Variants in LPL observed in about 807,000 individuals in gnomAD.
LPL encodes the protein phospholipase A1.
In LPL, 43 loss-of-function variants were observed where a neutral mutation model predicts 52.2. The ratio of observed to expected loss-of-function variants is 0.82; its 90% CI spans 0.64 to 1.06. LPL has a LOEUF of 1.06. Among genes scored for constraint, LPL ranks in the 50% least tolerant of loss-of-function variants. LPL has a pLI of 0.00. For synonymous variants in LPL, 244 were observed against 215.6 expected (o/e 1.13, Z -1.15); for missense variants, 639 against 585.3 (o/e 1.09, Z -0.95).
chr8:19,943,492 T>TG (rs1346675667), intron 1 of LPL, among the ~76,000 whole-genome samples: 1 of 152,192 alleles, frequency 6.6e-6, no homozygotes, highest in Admixed American at 6.5e-5. Flanking sequence ...ATAAAACAAT[T>TG]GTTGGCAAAG....
chr8:19,954,361 T>TTA lies in LPL; in HGVS notation c.775+10_775+11dup, dbSNP rs775396459. On this transcript the variant is annotated intron_variant, in intron 5 of 9. Coordinates refer to ENST00000650287, the MANE Select transcript of LPL (RefSeq NM_000237.3). ...CAGAGAGAGGACTTGGAGGTAAATA[T>TTA]TATTTAGAAGCGAATTAAATGTGAC... The TTA allele has an allele frequency of 1.6e-5, 25 of 1,610,322 alleles. No individual in the cohort carries two copies. In the East Asian group the frequency reaches 5.3e-4, roughly 34 times the overall value.
chr8:19,947,456 A>G, intron 1 of LPL, among the ~76,000 whole-genome samples: 1 of 152,094 alleles, frequency 6.6e-6, no homozygotes, highest in South Asian at 2.1e-4. Flanking sequence ...CCTGGGCAAC[A>G]TGGCCAAACT....
At position 19,946,538 on chromosome 8, in the gene LPL, G is replaced by A. The variant is rs533251194; in HGVS notation, c.89-1642G>A. 9.7e-4 allele frequency: 271 copies of A among 278,928 alleles called. 2 individuals are homozygous for A. Among genetic ancestry groups the A allele is most frequent in the Non-Finnish European group, 1.5e-3 (206 of 138,696 alleles). 17.3% of individuals were successfully genotyped at this position (278,928 alleles called of 1,614,324 possible). On this transcript the variant is annotated intron_variant, in intron 1 of 9. Coordinates refer to ENST00000650287, the MANE Select transcript of LPL (RefSeq NM_000237.3). ...TATTTTTATTATTGGCCTGACTTCCGCAGTTATTTTGAAGTTACAGATTTT... is the reference window on the plus strand; with the variant it reads ...TATTTTTATTATTGGCCTGACTTCCACAGTTATTTTGAAGTTACAGATTTT...
At position 19,950,244 on chromosome 8, in the gene LPL, C is replaced by T. The variant is rs191752540; in HGVS notation, c.250-1525C>T. 1.3e-5 allele frequency among the ~76,000 whole-genome samples: 2 copies of T among 152,164 alleles called. No homozygotes were observed. Among genetic ancestry groups the T allele is most frequent in the South Asian group, 2.1e-4 (1 of 4,826 alleles). On this transcript the variant is annotated intron_variant, in intron 2 of 9. Transcript: ENST00000650287. This position sits in a 1 kb window ranked among gnomAD's most constrained non-coding sequence, Gnocchi z 4.2. ...AGCAGGGAGGGCTTCAGTTCAGCTGCGTGTCTGAAAACCAAAGATTTAAAA... is the reference window on the plus strand; with the variant it reads ...AGCAGGGAGGGCTTCAGTTCAGCTGTGTGTCTGAAAACCAAAGATTTAAAA...
intron 6 of LPL, 87 bp from the exon 7 acceptor site, chr8:19,959,173 C>A: frequency 1.9e-6 from 3 of 1,555,952 alleles, no homozygotes; most frequent in Non-Finnish European, 1.8e-6. Flanking sequence ...TAGTGAGATA[C>A]TTCTGTGGTT....
Position 19,955,951 on chromosome 8 carries a change from G to A in LPL, c.886G>A (p.Ala296Thr), listed in dbSNP as rs746740949. The change falls in exon 6 of 10, where the codon GCC (alanine) becomes ACC (threonine). Residue 296 changes from alanine (A) to threonine (T), a missense_variant. Ala to Thr is a moderately conservative substitution (Grantham distance 58). Coordinates refer to ENST00000650287, the MANE Select transcript of LPL (RefSeq NM_000237.3). ...SKAYRCSSKE[A>T]FEKGLCLSCR... ...GGCCTACAGGTGCAGTTCCAAGGAAGCCTTTGAGAAAGGGCTCTGCTTGAG... is the reference window on the plus strand; with the variant it reads ...GGCCTACAGGTGCAGTTCCAAGGAAACCTTTGAGAAAGGGCTCTGCTTGAG... The A allele has an allele frequency of 4.3e-6, 7 of 1,614,146 alleles. No individual in the cohort carries two copies. The highest frequency in any genetic ancestry group is 5.9e-6 in the Non-Finnish European group (7 of 1,180,010).
rs1283582780 is a variant in LPL, at chr8:19,959,271, C to G, written c.1030C>G (p.Gln344Glu). The G allele has an allele frequency of 1.9e-6, 3 of 1,613,958 alleles. No individual in the cohort carries two copies. Among genetic ancestry groups the G allele is most frequent in the Non-Finnish European group, 2.5e-6 (3 of 1,180,004 alleles). ...TTCCTCCCCAACAGTCTTCCATTAC[C>G]AAGTAAAGATTCATTTTTCTGGGAC... ...SQMPYKVFHY[Q>E]VKIHFSGTES... is the part of the protein sequence containing the mutation. Residue 344 changes from glutamine to glutamate, a missense_variant, in exon 7 of 10, where the codon CAA becomes GAA. Physicochemically the swap from Gln to Glu is conservative, Grantham distance 29 (BLOSUM62 2). Transcript: ENST00000650287.
In LPL at chr8:19,939,646, C is replaced by T. The variant is rs1324566386; in HGVS notation, c.88+118C>T. On this transcript the variant is annotated intron_variant, in intron 1 of 9. Coordinates refer to ENST00000650287, the MANE Select transcript of LPL (RefSeq NM_000237.3). This position sits in a 1 kb window ranked among gnomAD's most constrained non-coding sequence, Gnocchi z 4.0. The stretch of plus-strand genomic sequence containing the variant: ...GGCGGTGGATGCGCCCAGGGACTCT[C>T]CCAGCCTGGGCTCTAGCCCCGAAAC... 1 of 1,056,634 alleles carries T rather than the reference C, an allele frequency of 9.5e-7. No homozygotes were observed. Among genetic ancestry groups the T allele is most frequent in the Admixed American group, 2.1e-5 (1 of 46,876 alleles). The allele number at this position is 1,056,634 out of a possible 1,614,324, so 65.5% of individuals were successfully genotyped here.
Position 19,944,013 on chromosome 8 carries a change from C to A in LPL, c.89-4167C>A, listed in dbSNP as rs2069862450. Among the ~76,000 whole-genome samples the A allele has an allele frequency of 6.6e-6, 1 of 151,898 alleles. No homozygotes were observed. The highest frequency in any genetic ancestry group is 6.6e-5 in the Admixed American group (1 of 15,248). On this transcript the variant is annotated intron_variant, in intron 1 of 9. Coordinates refer to ENST00000650287, the MANE Select transcript of LPL (RefSeq NM_000237.3). This position sits in a 1 kb window ranked among gnomAD's most constrained non-coding sequence, Gnocchi z 4.2. ...ACCAGCGTGGCCAGGATGGTGAAAC[C>A]CCATCTCTACTAAAAATACAAAAAT... is the stretch of plus-strand genomic sequence containing the variant.
Position 19,951,020 on chromosome 8 carries a change from C to T in LPL, c.250-749C>T, listed in dbSNP as rs117054364. On this transcript the variant is annotated intron_variant, in intron 2 of 9. Coordinates refer to ENST00000650287, the MANE Select transcript of LPL (RefSeq NM_000237.3). ...TTCTGATAGAGGCCTAGAGTAAACC[C>T]GATTTTCTTGCCTTATCTGAAATAA... 3.9e-5 allele frequency among the ~76,000 whole-genome samples: 6 copies of T among 152,188 alleles called. No individual in the cohort carries two copies. In the East Asian group the frequency reaches 7.7e-4, roughly 20 times the overall value.
intron 7 of LPL, among the ~76,000 whole-genome samples, chr8:19,960,297 A>G (rs1368184683): frequency 2.6e-5 from 4 of 152,212 alleles, no homozygotes; most frequent in African/African-American, 9.6e-5. Context: ...ATTATTACAT[A>G]GAAGGGAGTG....
In LPL at chr8:19,955,946, A is replaced by C. The variant is rs2069980973; in HGVS notation, c.881A>C (p.Lys294Thr). The part of the protein sequence containing the change: ...NPSKAYRCSS[K>T]EAFEKGLCLS... ...AGTAAGGCCTACAGGTGCAGTTCCA[A>C]GGAAGCCTTTGAGAAAGGGCTCTGC... Residue 294 changes from lysine (K) to threonine (T), a missense_variant, in exon 6 of 10, where the codon AAG (lysine) becomes ACG (threonine). Coordinates refer to ENST00000650287, the MANE Select transcript of LPL (RefSeq NM_000237.3). 1.9e-6 allele frequency: 3 copies of C among 1,614,168 alleles called. No individual in the cohort carries two copies. Among genetic ancestry groups the C allele is most frequent in the Non-Finnish European group, 1.7e-6 (2 of 1,180,004 alleles).
In LPL at chr8:19,944,578, G is replaced by T. The variant is rs538374429; in HGVS notation, c.89-3602G>T. 1.4e-3 allele frequency among the ~76,000 whole-genome samples: 211 copies of T among 152,266 alleles called. 1 individual carries two copies. The highest frequency in any genetic ancestry group is 5.0e-3 in the Admixed American group (76 of 15,300). ...TTCATCTTACTCACGTGATGACTTT[G>T]ATCTGCCTTTAAAGCACCATCTGCT... is the stretch of plus-strand genomic sequence containing the variant. On this transcript the variant is annotated intron_variant, in intron 1 of 9. Coordinates refer to ENST00000650287, the MANE Select transcript of LPL (RefSeq NM_000237.3). This position sits in a 1 kb window ranked among gnomAD's most constrained non-coding sequence, Gnocchi z 4.2.
intron 6 of LPL, among the ~76,000 whole-genome samples, chr8:19,957,068 C>T (rs2069992261): frequency 6.6e-6 from 1 of 152,174 alleles, no homozygotes; most frequent in Admixed American, 6.5e-5. Context: ...AGGTGATCTG[C>T]CCTCCTTGGC....
Position 19,950,779 on chromosome 8 carries a change from G to C in LPL, c.250-990G>C, listed in dbSNP as rs1484454071. Among the ~76,000 whole-genome samples, 1 of 151,964 alleles carries C rather than the reference G, an allele frequency of 6.6e-6. No individual in the cohort carries two copies. The highest frequency in any genetic ancestry group is 1.5e-5 in the Non-Finnish European group (1 of 68,016). Reference sequence around the variant, plus strand: ...AGATCATGCCACTGCACTCCAGCCTGGGCGAGACAGTAAGACTCTGCCAAA... The same window carrying C: ...AGATCATGCCACTGCACTCCAGCCTCGGCGAGACAGTAAGACTCTGCCAAA... On this transcript the variant is annotated intron_variant, in intron 2 of 9. Transcript: ENST00000650287. This position sits in a 1 kb window ranked among gnomAD's most constrained non-coding sequence, Gnocchi z 4.2.
intron 5 of LPL, 107 bp from the exon 6 acceptor site, chr8:19,955,734 G>C: frequency 1.4e-6 from 2 of 1,407,880 alleles, no homozygotes; most frequent in Non-Finnish European, 1.0e-6. Context: ...TATATCCTTG[G>C]GTGATTCTAC....
chr8:19,946,527 G>T, intron 1 of LPL: 1 of 265,310 alleles, frequency 3.8e-6, no homozygotes. Flanking sequence ...TTTATTATTG[G>T]CCTGACTTCC....
intron 2 of LPL, among the ~76,000 whole-genome samples, chr8:19,951,392 C>T (rs2069933053): frequency 6.6e-6 from 1 of 152,322 alleles, no homozygotes; most frequent in African/African-American, 2.4e-5. Flanking sequence ...ACCAATTCAA[C>T]AGGGTTCTGC....
chr8:19,947,006 C>T (rs1436867613), intron 1 of LPL, among the ~76,000 whole-genome samples: 2 of 152,164 alleles, frequency 1.3e-5, no homozygotes, highest in African/African-American at 2.4e-5. Context: ...TTGTGTGGAA[C>T]ATTGTAATGA....
Sources: gnomAD v4.1 joint callset for allele counts (sites outside exome capture counted in the v4.1 genomes callset) on GRCh38, gnomAD v4.1.1 for gene constraint, Gnocchi (gnomAD v3.1) non-coding constraint, MANE v1.5 for transcripts, NCBI Gene and HGNC (gene_info 2026-07-23, HGNC 2026-07-21) for gene names.